The following AP1S3 variants were observed in gnomAD, a reference collection of about 807,000 sequenced individuals.
The protein encoded by AP1S3 is adaptor related protein complex 1 subunit sigma 3, also known as AP-1 complex subunit sigma-3.
A neutral mutation model predicts 20.9 loss-of-function variants in AP1S3; 10 were observed. The ratio of observed to expected loss-of-function variants is 0.48; its 90% CI spans 0.29 to 0.81. AP1S3 has a LOEUF of 0.81. AP1S3 is among the 30% of genes least tolerant of loss of function. The pLI is 0.08. For synonymous variants in AP1S3, 41 were observed against 61.5 expected (o/e 0.67, Z 1.56); for missense variants, 154 against 183.8 (o/e 0.84, Z 0.94).
chr2:223,835,709 C>T (rs1692379405), intron 1 of AP1S3, among the ~76,000 whole-genome samples: 1 of 152,122 alleles, frequency 6.6e-6, no homozygotes, highest in African/African-American at 2.4e-5. Flanking sequence ...GGTAGAAAAG[C>T]TGGAGAAACT....
rs1010197496 is a variant in AP1S3 at position 223,755,591 on chromosome 2, C to T, written c.*3124G>A. On this transcript the variant is annotated 3_prime_UTR_variant, in exon 5 of 5. Coordinates refer to ENST00000396654, the MANE Select transcript of AP1S3 (RefSeq NM_001039569.2). The stretch of plus-strand genomic sequence containing the variant: ...TGTCACCCGGGCTGGAGTACAGTGG[C>T]GTGATCTCAGCTCACTGCAACCTCT... Among the ~76,000 whole-genome samples, 1 of 141,962 alleles carries T rather than the reference C, an allele frequency of 7.0e-6. No individual in the cohort carries two copies. The highest frequency in any genetic ancestry group is 1.5e-5 in the Non-Finnish European group (1 of 66,904). 93.1% of individuals were successfully genotyped at this position (141,962 alleles called of 152,430 possible).
At chr2:223,813,786 G>C (rs1208542881) in intron 1 of AP1S3, among the ~76,000 whole-genome samples, 1 of 152,126 alleles carries the variant, frequency 6.6e-6, no homozygotes, top group African/African-American at 2.4e-5. Context: ...TAAGAAGGGA[G>C]GGGCAGCCCT....
At chr2:223,773,183 T>G (rs1010534841) in intron 3 of AP1S3, 2 of 879,420 alleles carry the variant, frequency 2.3e-6, no homozygotes, top group African/African-American at 3.6e-5. Flanking sequence ...TGAAATTTGG[T>G]CAGATAGATT....
intron 4 of AP1S3, among the ~76,000 whole-genome samples, chr2:223,760,907 T>C (rs1405562318): frequency 1.3e-5 from 2 of 152,156 alleles, no homozygotes; most frequent in Non-Finnish European, 2.9e-5. Context: ...CATGACCAGA[T>C]GAGAGCATTG....
In AP1S3 at chr2:223,766,516, T is replaced by C. The variant is rs1311888996; in HGVS notation, c.292-1166A>G. ...AAAACTACAATGAGATACCATCTCA[T>C]GCCAGTTAGAATGGCGATCATTAAA... On this transcript the variant is annotated intron_variant, in intron 3 of 4. Coordinates refer to ENST00000396654, the MANE Select transcript of AP1S3 (RefSeq NM_001039569.2). Among the ~76,000 whole-genome samples, 5 of 152,192 alleles carry C rather than the reference T, an allele frequency of 3.3e-5. No homozygotes were observed. In the East Asian group the frequency reaches 9.6e-4, roughly 29 times the overall value.
At chr2:223,776,238 A>T in intron 2 of AP1S3, 1 of 622,816 alleles carries the variant, frequency 1.6e-6, no homozygotes, top group Non-Finnish European at 3.1e-6. Flanking sequence ...GACTCTCAAC[A>T]AAATTTTACC....
chr2:223,755,819 C>T lies in AP1S3; in HGVS notation c.*2896G>A. On this transcript the variant is annotated 3_prime_UTR_variant, in exon 5 of 5. Transcript: ENST00000396654. Reference sequence around the variant, plus strand: ...TGCTGGGATTACAGGCGTGAGCCACCTTGCCCAGAAGAGATATATTTACTT... The same window carrying T: ...TGCTGGGATTACAGGCGTGAGCCACTTTGCCCAGAAGAGATATATTTACTT... 1 of 985,280 alleles carries T rather than the reference C, an allele frequency of 1.0e-6. No homozygotes were observed. The highest frequency in any genetic ancestry group is 1.2e-6 in the Non-Finnish European group (1 of 829,854). The allele number at this position is 985,280 out of a possible 1,614,324, so 61.0% of individuals were successfully genotyped here. A position where few individuals can be genotyped will look rare whatever the true frequency, so the allele number is the denominator to read the frequency against.
intron 1 of AP1S3, among the ~76,000 whole-genome samples, chr2:223,806,204 T>C (rs1691575674): frequency 6.6e-6 from 1 of 151,708 alleles, no homozygotes; most frequent in Non-Finnish European, 1.5e-5. Flanking sequence ...CTCCTGGTAA[T>C]CACGTCAGGA....
chr2:223,819,811 A>G lies in AP1S3; in HGVS notation c.3+17637T>C, dbSNP rs1452013762. Among the ~76,000 whole-genome samples the G allele has an allele frequency of 3.3e-5, 5 of 152,258 alleles. No individual in the cohort carries two copies. In the East Asian group the frequency reaches 9.6e-4, roughly 29 times the overall value. On this transcript the variant is annotated intron_variant, in intron 1 of 4. Coordinates refer to ENST00000396654, the MANE Select transcript of AP1S3 (RefSeq NM_001039569.2). The stretch of plus-strand genomic sequence containing the variant: ...AACATTTGCTATAAACACAGTGATT[A>G]TTGCAAAGTTAGTTACCTTATATTT...
Position 223,758,497 on chromosome 2 carries a change from CCTATACAGTATA to C in AP1S3, c.*206_*217del. The stretch of plus-strand genomic sequence containing the variant: ...CTTTAAACATTTAGAGCTACAAGTA[CCTATACAGTATA>C]ACACAGACACATAATTTTTTTTAAT... On this transcript the variant is annotated 3_prime_UTR_variant, in exon 5 of 5. Coordinates refer to ENST00000396654, the MANE Select transcript of AP1S3 (RefSeq NM_001039569.2). The C allele has an allele frequency of 8.2e-7, 1 of 1,221,854 alleles. No homozygotes were observed. Among genetic ancestry groups the C allele is most frequent in the Non-Finnish European group, 1.0e-6 (1 of 981,240 alleles). 75.7% of individuals were successfully genotyped at this position (1,221,854 alleles called of 1,614,324 possible).
At chr2:223,788,784 A>G (rs1315876895) in intron 1 of AP1S3, among the ~76,000 whole-genome samples, 1 of 150,570 alleles carries the variant, frequency 6.6e-6, no homozygotes, top group African/African-American at 2.4e-5. Flanking sequence ...AAAAAAAAGA[A>G]GAAGAAGAAG....
At chr2:223,779,029 C>T (rs905044916) in intron 1 of AP1S3, among the ~76,000 whole-genome samples, 4 of 152,126 alleles carry the variant, frequency 2.6e-5, no homozygotes, top group Admixed American at 6.6e-5. Flanking sequence ...CCATTTTGCA[C>T]GCTACTTGGC....
In AP1S3 at chr2:223,756,245, G is replaced by T. The variant is rs534416971; in HGVS notation, c.*2470C>A. On this transcript the variant is annotated 3_prime_UTR_variant, in exon 5 of 5. Coordinates refer to ENST00000396654, the MANE Select transcript of AP1S3 (RefSeq NM_001039569.2). ...CCAGCTACTCGGGAGGCTGAGGCAGGAGAATCGTTTGAACCCAGGAGACGG... is the reference window on the plus strand; with the variant it reads ...CCAGCTACTCGGGAGGCTGAGGCAGTAGAATCGTTTGAACCCAGGAGACGG... Among the ~76,000 whole-genome samples, 1 of 152,254 alleles carries T rather than the reference G, an allele frequency of 6.6e-6. No homozygotes were observed. Among genetic ancestry groups the T allele is most frequent in the East Asian group, 1.9e-4 (1 of 5,174 alleles).
rs1373088144 is a variant in AP1S3, at chr2:223,773,398, G to A, written c.291+2503C>T. 3.9e-6 allele frequency: 5 copies of A among 1,293,680 alleles called. No individual in the cohort carries two copies. The South Asian group carries it at 5.0e-5, about 13-fold the overall frequency. The allele number at this position is 1,293,680 out of a possible 1,614,324, so 80.1% of individuals were successfully genotyped here. On this transcript the variant is annotated intron_variant, in intron 3 of 4. Coordinates refer to ENST00000396654, the MANE Select transcript of AP1S3 (RefSeq NM_001039569.2). ...AGTACAAAAATGTGAGAATTCATTT[G>A]AATAGTAGAAAGTATTAAATAATAT...
intron 1 of AP1S3, among the ~76,000 whole-genome samples, chr2:223,820,670 A>G (rs954514065): frequency 6.7e-6 from 1 of 149,132 alleles, no homozygotes; most frequent in Non-Finnish European, 1.5e-5. Context: ...AACTAGGAGA[A>G]AAAAAAAAAA....
At chr2:223,786,002 G>A (rs1461678359) in intron 1 of AP1S3, among the ~76,000 whole-genome samples, 2 of 152,202 alleles carry the variant, frequency 1.3e-5, no homozygotes, top group Non-Finnish European at 2.9e-5. Flanking sequence ...AGTTGCAGCA[G>A]GTGTACTACT....
chr2:223,806,227 T>A (rs1055347539), intron 1 of AP1S3, among the ~76,000 whole-genome samples: 28 of 151,716 alleles, frequency 1.8e-4, no homozygotes, highest in African/African-American at 6.5e-4. Flanking sequence ...TGCAAATGCA[T>A]GCCATGTGAA....
intron 1 of AP1S3, among the ~76,000 whole-genome samples, chr2:223,779,268 A>G (rs624809): frequency 0.079 from 11,981 of 152,234 alleles, 602 homozygotes; most frequent in East Asian, 0.17. Flanking sequence ...AAGGTACAGT[A>G]TTTGGTGGCT....
At chr2:223,809,653 A>G (rs1691672965) in intron 1 of AP1S3, among the ~76,000 whole-genome samples, 1 of 151,962 alleles carries the variant, frequency 6.6e-6, no homozygotes, top group Non-Finnish European at 1.5e-5. Flanking sequence ...CAAAACAAAA[A>G]CAAAAACAAA....
Sources: allele counts gnomAD v4.1 joint callset (sites outside exome capture counted in the v4.1 genomes callset), GRCh38; gene constraint gnomAD v4.1.1; transcripts MANE v1.5; gene names NCBI Gene and HGNC (gene_info 2026-07-23, HGNC 2026-07-21).